The following SHC4 variants were observed in gnomAD, a reference collection of about 807,000 sequenced individuals.
SHC4 encodes SHC-transforming protein 4.
A neutral mutation model predicts 69.4 loss-of-function variants in SHC4; 41 were observed. The observed-to-expected ratio is 0.59, with a 90% CI of 0.46 to 0.77. SHC4 has a LOEUF of 0.77. Among genes scored for constraint, SHC4 ranks in the 30% least tolerant of loss-of-function variants. The pLI is 0.00. For synonymous variants in SHC4, 318 were observed against 299.3 expected, an observed-to-expected ratio of 1.06 and a Z score of -0.64; for missense variants, 777 against 783.8, an observed-to-expected ratio of 0.99 and a Z score of 0.10.
At chr15:48,962,319 G>T in intron 1 of SHC4, 112 bp downstream of exon 1, 2 of 1,124,350 alleles carry the variant, frequency 1.8e-6, no homozygotes, top group Non-Finnish European at 2.5e-6. Context: ...GTTGAATCAT[G>T]TCCTGTCCAA....
chr15:48,847,138 G>C (rs1899109452), intron 9 of SHC4, among the ~76,000 whole-genome samples: 1 of 151,730 alleles, frequency 6.6e-6, no homozygotes, highest in African/African-American at 2.4e-5. Context: ...GAAGTGTTTG[G>C]TTGACGAGGG....
intron 5 of SHC4, 77 bp from the exon 6 acceptor site, chr15:48,867,946 T>A: frequency 8.2e-7 from 1 of 1,217,744 alleles, no homozygotes; most frequent in Admixed American, 2.0e-5. Flanking sequence ...TTGGACATGA[T>A]ACTGAGGCAA....
intron 4 of SHC4, among the ~76,000 whole-genome samples, chr15:48,881,012 GTGTGTGTGTGTCTT>G (rs1051239652): frequency 6.7e-6 from 1 of 148,314 alleles, no homozygotes; most frequent in Non-Finnish European, 1.5e-5. Context: ...GTGTGTGTGT[GTGTGTGTGTGTCTT>G]CATTTAAGGA....
At chr15:48,889,726 C>T (rs1567062278) in intron 3 of SHC4, among the ~76,000 whole-genome samples, 1 of 152,266 alleles carries the variant, frequency 6.6e-6, no homozygotes, top group Non-Finnish European at 1.5e-5. Flanking sequence ...CTCCTGTGGT[C>T]CCAGCTACTC....
chr15:48,895,943 C>T (rs754035667), intron 2 of SHC4, among the ~76,000 whole-genome samples: 15 of 151,956 alleles, frequency 9.9e-5, no homozygotes, highest in Non-Finnish European at 1.9e-4. Flanking sequence ...TTTTAAATTG[C>T]CAGGCACAGC....
At chr15:48,924,519 G>A (rs1900811621) in intron 2 of SHC4, among the ~76,000 whole-genome samples, 1 of 152,204 alleles carries the variant, frequency 6.6e-6, no homozygotes, top group South Asian at 2.1e-4. Context: ...GCTTTCTCAT[G>A]TTGAAAGTCT....
chr15:48,897,765 A>ACACG (rs1289875268), intron 2 of SHC4, among the ~76,000 whole-genome samples: 2 of 151,506 alleles, frequency 1.3e-5, no homozygotes, highest in African/African-American at 4.8e-5. Flanking sequence ...TGACACACAC[A>ACACG]CACACACACA....
intron 10 of SHC4, among the ~76,000 whole-genome samples, chr15:48,836,275 T>A (rs914024665): frequency 2.0e-5 from 3 of 152,142 alleles, no homozygotes; most frequent in South Asian, 4.1e-4. Context: ...GTCATCTGAC[T>A]CCAAAGCCTA....
In SHC4 at chr15:48,962,969, A is replaced by G. The variant is rs546370828; in HGVS notation, c.47T>C (p.Val16Ala). ...CATCCCGGGGTGCCCGAAGAGTCCT[A>G]CATACAGCACGAGTCCTGCCAGGCT... is the stretch of plus-strand genomic sequence containing the variant. The part of the protein sequence containing the change: ...QDSLAGLVLY[V>A]GLFGHPGMLH... The change falls in exon 1 of 12, where the codon GTA (valine) becomes GCA (alanine). Residue 16 changes from valine to alanine, a missense_variant. Coordinates refer to ENST00000332408, the MANE Select transcript of SHC4 (RefSeq NM_203349.4). 1.2e-6 allele frequency: 2 copies of G among 1,612,800 alleles called. No individual in the cohort carries two copies. Among genetic ancestry groups the G allele is most frequent in the Admixed American group, 1.7e-5 (1 of 60,004 alleles).
intron 2 of SHC4, among the ~76,000 whole-genome samples, chr15:48,921,875 A>G (rs1399160775): frequency 1.3e-5 from 2 of 152,202 alleles, no homozygotes; most frequent in Admixed American, 6.5e-5. Context: ...GAGACTTAGT[A>G]TATAATATTG....
rs184629055 is a variant in SHC4 at position 48,869,740 on chromosome 15, G to A, written c.895-1871C>T. Reference sequence around the variant, plus strand: ...CATAGAGATGATTTCTAATGCCAATGCTTAGGGTGGCTCCAGACTTCTATT... The same window carrying A: ...CATAGAGATGATTTCTAATGCCAATACTTAGGGTGGCTCCAGACTTCTATT... On this transcript the variant is annotated intron_variant, in intron 5 of 11. Transcript: ENST00000332408. 2.7e-3 allele frequency among the ~76,000 whole-genome samples: 410 copies of A among 152,274 alleles called. 2 individuals carry two copies. The highest frequency in any genetic ancestry group is 9.6e-3 in the African/African-American group (399 of 41,554).
chr15:48,894,282 T>A (rs1294330507), intron 2 of SHC4, among the ~76,000 whole-genome samples: 1 of 152,212 alleles, frequency 6.6e-6, no homozygotes, highest in African/African-American at 2.4e-5. Flanking sequence ...TTTTTGTGGT[T>A]TGCTATTTTG....
intron 2 of SHC4, among the ~76,000 whole-genome samples, chr15:48,919,937 A>AG (rs944717140): frequency 4.0e-5 from 6 of 151,574 alleles, no homozygotes; most frequent in Admixed American, 1.3e-4. Context: ...CTCAAAGGAG[A>AG]GGGGAAAAAA....
intron 2 of SHC4, among the ~76,000 whole-genome samples, 178 bp from the exon 3 acceptor site, chr15:48,890,989 A>G (rs950212621): frequency 1.3e-5 from 2 of 152,210 alleles, no homozygotes; most frequent in African/African-American, 4.8e-5. Context: ...CTTCTGCAGG[A>G]AAACCTAGCA....
At chr15:48,930,641 T>TA (rs1900947676) in intron 1 of SHC4, among the ~76,000 whole-genome samples, 1 of 151,938 alleles carries the variant, frequency 6.6e-6, no homozygotes, top group Non-Finnish European at 1.5e-5. Flanking sequence ...TGTCTGTAAA[T>TA]AAAAAATAAA....
At chr15:48,905,487 T>C (rs1900391485) in intron 2 of SHC4, among the ~76,000 whole-genome samples, 1 of 152,214 alleles carries the variant, frequency 6.6e-6, no homozygotes, top group South Asian at 2.1e-4. Context: ...TTACTTGCAT[T>C]GTAAAATGAT....
At chr15:48,869,269 A>C (rs528607345) in intron 5 of SHC4, among the ~76,000 whole-genome samples, 1 of 152,342 alleles carries the variant, frequency 6.6e-6, no homozygotes, top group African/African-American at 2.4e-5. Flanking sequence ...TGACGGATGG[A>C]AAACAACTGT....
chr15:48,835,157 A>G, intron 10 of SHC4, 135 bp from the exon 11 acceptor site: 1 of 1,172,458 alleles, frequency 8.5e-7, no homozygotes, highest in East Asian at 2.6e-5. Flanking sequence ...TGCTTGGGGA[A>G]CAAATGAGGT....
At chr15:48,961,569 A>G (rs748583337) in intron 1 of SHC4, among the ~76,000 whole-genome samples, 1 of 152,196 alleles carries the variant, frequency 6.6e-6, no homozygotes, top group Non-Finnish European at 1.5e-5. Flanking sequence ...TTCTTCCAAG[A>G]TTCATCTTCT....
Sources: allele counts gnomAD v4.1 joint callset (sites outside exome capture counted in the v4.1 genomes callset), GRCh38; gene constraint gnomAD v4.1.1; transcripts MANE v1.5; gene names NCBI Gene and HGNC (gene_info 2026-07-23, HGNC 2026-07-21).